The following CSMD1 variants were observed in gnomAD, a reference collection of about 807,000 sequenced individuals.
The protein encoded by CSMD1 is CUB and sushi domain-containing protein 1.
In CSMD1, 213 loss-of-function variants were observed where a neutral mutation model predicts 417.5. That is an observed-to-expected ratio of 0.51 (90% confidence interval 0.46 to 0.57). The LOEUF (loss-of-function observed/expected upper bound fraction) is 0.57, where lower values mean the gene tolerates loss of function less well. CSMD1 is among the 20% of genes least tolerant of loss of function. The pLI, the probability that CSMD1 is intolerant of heterozygous loss-of-function variation, is 0.00. For synonymous variants in CSMD1, 2,862 were observed against 1,736.8 expected (o/e 1.65, Z -16.11); for missense variants, 6,923 against 4,529.7 (o/e 1.53, Z -15.17).
At chr8:4,300,523 G>A (rs947099223) in intron 3 of CSMD1, among the ~76,000 whole-genome samples, 1 of 152,054 alleles carries the variant, frequency 6.6e-6, no homozygotes, top group African/African-American at 2.4e-5. Flanking sequence ...GTCCTTTACA[G>A]ACTTTTTTTT....
intron 3 of CSMD1, among the ~76,000 whole-genome samples, chr8:4,110,863 G>T (rs13259106): frequency 0.32 from 49,171 of 151,674 alleles, 8,524 homozygotes; most frequent in East Asian, 0.56. Flanking sequence ...TTTTTTCCTT[G>T]AAGAGTACTG....
At chr8:4,377,529 T>C (rs1006380781) in intron 3 of CSMD1, among the ~76,000 whole-genome samples, 18 of 152,214 alleles carry the variant, frequency 1.2e-4, no homozygotes, top group African/African-American at 4.3e-4. Context: ...CCAGGAGAAC[T>C]AATATATACT....
At chr8:4,053,447 G>C (rs541251093) in intron 3 of CSMD1, among the ~76,000 whole-genome samples, 7 of 151,504 alleles carry the variant, frequency 4.6e-5, no homozygotes, top group African/African-American at 1.5e-4. Context: ...GGTCTCGGTG[G>C]GGAACCCTAC....
At chr8:4,143,121 G>C (rs1017557783) in intron 3 of CSMD1, among the ~76,000 whole-genome samples, 2 of 128,732 alleles carry the variant, frequency 1.6e-5, no homozygotes, top group African/African-American at 5.8e-5. Context: ...AACTATGGAG[G>C]ATTGGAATTA....
In CSMD1 at chr8:4,278,601, T is replaced by C. The variant is rs894286858; in HGVS notation, c.415+141352A>G. On this transcript the variant is annotated intron_variant, in intron 3 of 69. Transcript: ENST00000635120. The stretch of plus-strand genomic sequence containing the variant: ...TGCCTATTTTTAGAAAATGATTAAA[T>C]AAATTCATGAATGGAAACTCAAATT... Among the ~76,000 whole-genome samples the C allele has an allele frequency of 2.6e-5, 4 of 152,334 alleles. No homozygotes were observed. In the East Asian group the frequency reaches 7.7e-4, roughly 29 times the overall value.
chr8:3,255,972 G>C (rs2897413), intron 26 of CSMD1, among the ~76,000 whole-genome samples: 133,923 of 152,112 alleles, frequency 0.88, 59,875 homozygotes, highest in East Asian at 0.98. Context: ...GCTGGGAGCT[G>C]TAGACTGGAG....
At chr8:4,886,770 G>T (rs754973015) in intron 1 of CSMD1, among the ~76,000 whole-genome samples, 1 of 151,772 alleles carries the variant, frequency 6.6e-6, no homozygotes, top group African/African-American at 2.4e-5. Flanking sequence ...TATTTTACCA[G>T]ATTTGTTGGC....
At chr8:4,231,478 C>T (rs1388123087) in intron 3 of CSMD1, among the ~76,000 whole-genome samples, 1 of 152,150 alleles carries the variant, frequency 6.6e-6, no homozygotes. Flanking sequence ...CTCTCAGGGC[C>T]AGCTCTCTCA....
intron 50 of CSMD1, among the ~76,000 whole-genome samples, chr8:3,050,883 C>G (rs1475405367): frequency 3.3e-5 from 5 of 152,066 alleles, no homozygotes; most frequent in Admixed American, 6.6e-5. Flanking sequence ...TTATTGAAGA[C>G]TATGTGAATC....
In CSMD1 at chr8:3,052,643, C is replaced by G; in HGVS notation, c.7479G>C (p.Val2493=). 1 of 1,599,164 alleles carries G rather than the reference C, an allele frequency of 6.3e-7. No individual in the cohort carries two copies. The highest frequency in any genetic ancestry group is 8.5e-7 in the Non-Finnish European group (1 of 1,173,382). ...WDSLTPLCQA[V]SCGIPESPGN... ...CTGGGGATTCTGGGATTCCACAGGA[C>G]ACAGCTGAAAAGAAATGAAACAAAT... Residue 2493 remains valine (V), a synonymous_variant, in exon 50 of 70, where the codon GTG becomes GTC. Transcript: ENST00000635120.
intron 3 of CSMD1, among the ~76,000 whole-genome samples, chr8:4,326,371 T>A (rs952619658): frequency 6.6e-6 from 1 of 152,114 alleles, no homozygotes; most frequent in African/African-American, 2.4e-5. Context: ...CGATCACCAA[T>A]GTGGCGAGAG....
intron 2 of CSMD1, among the ~76,000 whole-genome samples, chr8:4,584,882 T>A (rs1177646325): frequency 6.6e-6 from 1 of 152,102 alleles, no homozygotes; most frequent in African/African-American, 2.4e-5. Flanking sequence ...CAACTGTGGA[T>A]TGCATTGGAT....
At chr8:4,283,456 C>A (rs189718558) in intron 3 of CSMD1, among the ~76,000 whole-genome samples, 2 of 152,270 alleles carry the variant, frequency 1.3e-5, no homozygotes, top group East Asian at 3.9e-4. Context: ...CAAATTATCT[C>A]TTGCATTTTT....
At chr8:3,943,100 A>C (rs1012098257) in intron 5 of CSMD1, among the ~76,000 whole-genome samples, 1 of 152,096 alleles carries the variant, frequency 6.6e-6, no homozygotes, top group Non-Finnish European at 1.5e-5. Context: ...CCTGGGATTC[A>C]ACTTCGGAAT....
intron 52 of CSMD1, among the ~76,000 whole-genome samples, chr8:3,016,818 A>C (rs927117270): frequency 5.3e-5 from 8 of 152,298 alleles, no homozygotes; most frequent in African/African-American, 1.9e-4. Flanking sequence ...AAAAGCTGCT[A>C]AGATGTATTG....
intron 1 of CSMD1, among the ~76,000 whole-genome samples, chr8:4,871,514 T>C (rs981891705): frequency 6.6e-6 from 1 of 152,134 alleles, no homozygotes; most frequent in Non-Finnish European, 1.5e-5. Flanking sequence ...TGTAAATGAA[T>C]GGTCTCACCA....
intron 2 of CSMD1, among the ~76,000 whole-genome samples, chr8:4,470,542 G>A (rs1585130799): frequency 6.6e-6 from 1 of 152,170 alleles, no homozygotes; most frequent in Non-Finnish European, 1.5e-5. Context: ...AGACAAAAAT[G>A]ACATGCCAAA....
At chr8:4,557,875 G>A (rs572250489) in intron 2 of CSMD1, among the ~76,000 whole-genome samples, 1 of 152,234 alleles carries the variant, frequency 6.6e-6, no homozygotes, top group African/African-American at 2.4e-5. Flanking sequence ...TGAAATGGGA[G>A]TCGGACAGTG....
intron 2 of CSMD1, among the ~76,000 whole-genome samples, chr8:4,475,265 A>G (rs1800738304): frequency 6.6e-6 from 1 of 152,116 alleles, no homozygotes; most frequent in African/African-American, 2.4e-5. Context: ...CTCTCACTCC[A>G]TTTCTATATC....
Sources: allele counts gnomAD v4.1 joint callset (sites outside exome capture counted in the v4.1 genomes callset), GRCh38; gene constraint gnomAD v4.1.1; transcripts MANE v1.5; gene names NCBI Gene and HGNC (gene_info 2026-07-23, HGNC 2026-07-21).